The following CHAT variants were observed in gnomAD, a reference collection of about 807,000 sequenced individuals.
CHAT encodes the protein choline O-acetyltransferase, also known as acetyl CoA:choline O-acetyltransferase.
CHAT carries 61 observed loss-of-function variants against 76.9 expected under a neutral mutation model. The ratio of observed to expected loss-of-function variants is 0.79; its 90% CI spans 0.65 to 0.98. CHAT has a LOEUF of 0.98. Ranked by LOEUF, CHAT falls within the 50% of genes least tolerant of loss-of-function variation. The probability of loss-of-function intolerance (pLI) is 0.00; values close to 1 mark genes in which losing one functional copy is unlikely to be tolerated. For synonymous variants in CHAT, 407 were observed against 397.4 expected (o/e 1.02, Z -0.29); for missense variants, 946 against 986.9 (o/e 0.96, Z 0.56).
upstream of CHAT, chr10:49,610,966 G>A: frequency 6.2e-7 from 1 of 1,611,176 alleles, no homozygotes; most frequent in South Asian, 1.1e-5. Context: ...CCGGACTCCC[G>A]AGGTGTGGGA....
Position 49,667,263 on chromosome 10 carries a change from A to G in CHAT, c.*2217A>G, listed in dbSNP as rs1055049222. ...TCTATGGCATGCTATCATGGGGTCA[A>G]GTAGGGGCAGGGAGGCTTCATGGGG... On this transcript the variant is annotated 3_prime_UTR_variant, in exon 15 of 15. Transcript: ENST00000337653. 1.3e-5 allele frequency among the ~76,000 whole-genome samples: 2 copies of G among 152,194 alleles called. No individual in the cohort carries two copies. The highest frequency in any genetic ancestry group is 2.9e-5 in the Non-Finnish European group (2 of 68,016).
At chr10:49,639,650 T>A (rs1839415778) in intron 7 of CHAT, among the ~76,000 whole-genome samples, 1 of 152,132 alleles carries the variant, frequency 6.6e-6, no homozygotes, top group East Asian at 1.9e-4. Flanking sequence ...GATTTTTCCT[T>A]TGTCTTTATT....
chr10:49,660,271 T>A (rs1840152078), intron 13 of CHAT, among the ~76,000 whole-genome samples: 1 of 152,050 alleles, frequency 6.6e-6, no homozygotes, highest in Non-Finnish European at 1.5e-5. Context: ...AAACCCCATC[T>A]CTATTAAAAA....
chr10:49,627,602 C>G lies in CHAT; in HGVS notation c.934-6C>G. The G allele has an allele frequency of 6.2e-7, 1 of 1,614,058 alleles. No individual in the cohort carries two copies. The highest frequency in any genetic ancestry group is 1.1e-5 in the South Asian group (1 of 91,072). ...AAGTGACATGTTTGACCTGTTTACC[C>G]CACAGTTCTTTGTCTTGGATGTTGT... On this transcript the variant is annotated splice_polypyrimidine_tract_variant and splice_region_variant and intron_variant, in intron 6 of 14. Transcript: ENST00000337653.
At position 49,646,375 on chromosome 10, in the gene CHAT, GGC is replaced by G. The variant is rs2132798800; in HGVS notation, c.1112-129_1112-128del. 3.4e-6 allele frequency: 4 copies of G among 1,186,814 alleles called. No individual in the cohort carries two copies. In the East Asian group the frequency reaches 9.4e-5, roughly 28 times the overall value. The allele number at this position is 1,186,814 out of a possible 1,614,324, so 73.5% of individuals were successfully genotyped here. On this transcript the variant is annotated intron_variant, in intron 7 of 14. Transcript: ENST00000337653. ...ACAGTGGGGCAAGGTGGGGGGTCAG[GGC>G]TGGCTCAAGACCTGGGTCTTGTTGT... is the stretch of plus-strand genomic sequence containing the variant.
At position 49,664,883 on chromosome 10, in the gene CHAT, G is replaced by C. The variant is rs773591109; in HGVS notation, c.2084G>C (p.Ser695Thr). ...QPETILFCISSFHSCKETSSS... is the reference protein window; with the variant it reads ...QPETILFCISTFHSCKETSSS... ...GAGACCATCCTTTTCTGCATCTCTA[G>C]CTTTCACAGCTGCAAAGAGACTTCT... The change falls in exon 15 of 15, where the codon AGC (serine) becomes ACC (threonine). Residue 695 changes from serine to threonine, a missense_variant. Ser to Thr is a moderately conservative substitution (Grantham distance 58). Coordinates refer to ENST00000337653, the MANE Select transcript of CHAT (RefSeq NM_020549.5). 2 of 1,614,204 alleles carry C rather than the reference G, an allele frequency of 1.2e-6. No individual in the cohort carries two copies. Among genetic ancestry groups the C allele is most frequent in the South Asian group, 2.2e-5 (2 of 91,084 alleles).
chr10:49,633,350 G>C (rs1355142769), intron 7 of CHAT, among the ~76,000 whole-genome samples: 1 of 152,194 alleles, frequency 6.6e-6, no homozygotes, highest in Non-Finnish European at 1.5e-5. Flanking sequence ...TCCCCCTCTG[G>C]CTTGCTCTTT....
chr10:49,643,507 G>C (rs1331156655), intron 7 of CHAT, among the ~76,000 whole-genome samples: 1 of 152,192 alleles, frequency 6.6e-6, no homozygotes, highest in African/African-American at 2.4e-5. Context: ...AGCCTGCAGG[G>C]ACCAGTAGCA....
intron 7 of CHAT, among the ~76,000 whole-genome samples, chr10:49,638,364 C>T (rs990069801): frequency 2.0e-5 from 3 of 152,286 alleles, no homozygotes; most frequent in South Asian, 2.1e-4. Context: ...CAGCATATAG[C>T]TGGGTAATGT....
intron 7 of CHAT, among the ~76,000 whole-genome samples, chr10:49,631,828 TC>T (rs1839132520): frequency 1.3e-5 from 2 of 151,906 alleles, no homozygotes; most frequent in African/African-American, 4.8e-5. Context: ...AGACTGGGCG[TC>T]CACATGGATG....
intron 7 of CHAT, among the ~76,000 whole-genome samples, chr10:49,642,300 G>A (rs1226281071): frequency 2.0e-5 from 3 of 152,220 alleles, no homozygotes; most frequent in East Asian, 3.8e-4. Flanking sequence ...TGCCTTACAT[G>A]ATAAACTTGT....
chr10:49,632,385 T>A (rs555437188), intron 7 of CHAT, among the ~76,000 whole-genome samples: 1 of 152,184 alleles, frequency 6.6e-6, no homozygotes, highest in Non-Finnish European at 1.5e-5. Context: ...GCTGAGGTGC[T>A]TTCTCACCCA....
upstream of CHAT, chr10:49,611,796 C>T: frequency 1.2e-6 from 2 of 1,603,346 alleles, no homozygotes; most frequent in East Asian, 4.5e-5. Context: ...CGGCGCGCTA[C>T]CCACACCTGC....
rs376808313 is a variant in CHAT, at chr10:49,620,520, T to A, written c.605T>A (p.Met202Lys). The change falls in exon 4 of 15, where the codon ATG (methionine) becomes AAG (lysine). Residue 202 changes from methionine (M) to lysine (K), a missense_variant. Physicochemically the swap from Met to Lys is moderately conservative, Grantham distance 95. Transcript: ENST00000337653. ...GTGTCTGAGTACTGGCTGAATGACA[T>A]GTATCTCAACAACCGCCTGGCCCTG... ...NWVSEYWLNDMYLNNRLALPV... is the reference protein window; with the variant it reads ...NWVSEYWLNDKYLNNRLALPV... The A allele has an allele frequency of 1.2e-6, 2 of 1,613,504 alleles. No individual in the cohort carries two copies. Among genetic ancestry groups the A allele is most frequent in the Admixed American group, 3.3e-5 (2 of 59,996 alleles).
Position 49,621,552 on chromosome 10 carries a change from G to C in CHAT, c.699-545G>C, listed in dbSNP as rs576477102. ...TCGATTTCCTTTTCATTAGTACCGG[G>C]GGGTGGGAGGAAAGGGACCAAATTA... On this transcript the variant is annotated intron_variant, in intron 4 of 14. Transcript: ENST00000337653. 3.1e-4 allele frequency among the ~76,000 whole-genome samples: 47 copies of C among 152,236 alleles called. No homozygotes were observed. The South Asian group carries it at 9.1e-3, about 30-fold the overall frequency.
intron 7 of CHAT, among the ~76,000 whole-genome samples, chr10:49,635,472 T>C (rs1476355727): frequency 3.9e-5 from 6 of 152,232 alleles, no homozygotes; most frequent in Non-Finnish European, 8.8e-5. Context: ...GGTCACACCA[T>C]AATAGTATGT....
chr10:49,664,526 G>A (rs542934412), intron 14 of CHAT, among the ~76,000 whole-genome samples: 7 of 152,306 alleles, frequency 4.6e-5, no homozygotes, highest in Non-Finnish European at 7.4e-5. Context: ...AGGTCACTCC[G>A]GGAGCTTCCA....
At chr10:49,616,002 C>T (rs1423886311) in intron 1 of CHAT, 1 of 1,608,530 alleles carries the variant, frequency 6.2e-7, no homozygotes, top group South Asian at 1.1e-5. Flanking sequence ...CGCATGCATT[C>T]CTTTCCCTCC....
chr10:49,662,498 C>T, intron 13 of CHAT, 147 bp from the exon 14 acceptor site: 1 of 1,035,558 alleles, frequency 9.7e-7, no homozygotes, highest in Non-Finnish European at 1.5e-6. Context: ...TGAGCAGCCA[C>T]TCATACACAT....
Sources: gnomAD v4.1 joint callset for allele counts (sites outside exome capture counted in the v4.1 genomes callset) on GRCh38, gnomAD v4.1.1 for gene constraint, MANE v1.5 for transcripts, NCBI Gene and HGNC (gene_info 2026-07-23, HGNC 2026-07-21) for gene names.